Variants in DPP6 observed in about 807,000 individuals in gnomAD.
DPP6 encodes the protein dipeptidyl peptidase like 6, also known as A-type potassium channel modulatory protein DPP6.
DPP6 carries 69 observed loss-of-function variants against 122.6 expected under a neutral mutation model. That is an observed-to-expected ratio of 0.56 (90% CI 0.46 to 0.69). DPP6 has a LOEUF of 0.69. Among genes scored for constraint, DPP6 ranks in the 30% least tolerant of loss-of-function variants. DPP6 has a pLI of 0.00. For synonymous variants in DPP6, 418 were observed against 433.1 expected (o/e 0.97, Z 0.43); for missense variants, 928 against 1,116.9 (o/e 0.83, Z 2.41).
chr7:154,250,140 C>T (rs949265835), intron 1 of DPP6, among the ~76,000 whole-genome samples: 32 of 152,242 alleles, frequency 2.1e-4, no homozygotes, highest in Non-Finnish European at 3.5e-4. Flanking sequence ...CCCTCTCAAG[C>T]GGACTCCCTT....
At chr7:154,047,011 T>C (rs1800048677) in intron 1 of DPP6, among the ~76,000 whole-genome samples, 1 of 151,110 alleles carries the variant, frequency 6.6e-6, no homozygotes, top group African/African-American at 2.5e-5. Context: ...TGTTTTGCTG[T>C]CAGGAAAAGA....
intron 1 of DPP6, among the ~76,000 whole-genome samples, chr7:154,190,930 A>T (rs955177453): frequency 6.6e-6 from 1 of 152,262 alleles, no homozygotes; most frequent in Non-Finnish European, 1.5e-5. Context: ...CTGTTTTCAA[A>T]GAAAATATTT....
At chr7:153,983,014 G>A (rs1162903860) in intron 1 of DPP6, among the ~76,000 whole-genome samples, 5 of 152,206 alleles carry the variant, frequency 3.3e-5, no homozygotes, top group African/African-American at 4.8e-5. Flanking sequence ...CCGTCAGGAG[G>A]TACGGGGGTG....
At chr7:154,137,654 G>GGGGA (rs1795630938) in intron 1 of DPP6, among the ~76,000 whole-genome samples, 1 of 56,554 alleles carries the variant, frequency 1.8e-5, no homozygotes, top group Non-Finnish European at 4.0e-5. Flanking sequence ...GGGGGGTGGG[G>GGGGA]GGGTGGGGGG....
chr7:154,375,954 C>T (rs906366669), intron 1 of DPP6, among the ~76,000 whole-genome samples: 1 of 152,170 alleles, frequency 6.6e-6, no homozygotes, highest in African/African-American at 2.4e-5. Flanking sequence ...TGGCCCACCT[C>T]GAGGGGCCCA....
Position 154,794,203 on chromosome 7 carries a change from G to A in DPP6, c.1260+1G>A. 6.2e-7 allele frequency: 1 copy of A among 1,606,712 alleles called. No homozygotes were observed. Among genetic ancestry groups the A allele is most frequent in the Non-Finnish European group, 8.5e-7 (1 of 1,175,888 alleles). ...CGCCACCACGGGGGTCTGCACGAAG[G>A]TACGCGGGGCTGTGGGGGTGGAGGG... On this transcript the variant is annotated splice_donor_variant, in intron 11 of 25. Coordinates refer to ENST00000377770, the MANE Select transcript of DPP6 (RefSeq NM_130797.4). LOFTEE classifies it high-confidence loss of function.
rs1027275221 is a variant in DPP6, at chr7:154,807,127, C to T, written c.1666+15C>T. The T allele has an allele frequency of 7.4e-6, 12 of 1,610,762 alleles. No individual in the cohort carries two copies. Among genetic ancestry groups the T allele is most frequent in the Non-Finnish European group, 1.0e-5 (12 of 1,179,374 alleles). On this transcript the variant is annotated intron_variant, in intron 16 of 25. Transcript: ENST00000377770. Reference sequence around the variant, plus strand: ...CAAGTGCGAAGGTCAGCTCCTGCCACCCCGTCAGGGCAAAGAGCCCTGGCA... The same window carrying T: ...CAAGTGCGAAGGTCAGCTCCTGCCATCCCGTCAGGGCAAAGAGCCCTGGCA...
the DPP6 span, among the ~76,000 whole-genome samples, chr7:153,857,727 G>T: frequency 6.6e-6 from 1 of 152,150 alleles, no homozygotes; most frequent in Admixed American, 6.5e-5. Context: ...CATATCTACA[G>T]TGCTTTTTTA....
At chr7:154,359,828 T>G (rs1484122006) in intron 1 of DPP6, among the ~76,000 whole-genome samples, 1 of 152,186 alleles carries the variant, frequency 6.6e-6, no homozygotes, top group African/African-American at 2.4e-5. Flanking sequence ...ACTACAGCAC[T>G]TGAGTTAGAG....
At chr7:154,784,385 C>G (rs892553589) in intron 10 of DPP6, among the ~76,000 whole-genome samples, 2 of 152,212 alleles carry the variant, frequency 1.3e-5, no homozygotes, top group African/African-American at 4.8e-5. Context: ...AGAAGCTTAT[C>G]CAAGCAAAGC....
chr7:154,258,755 C>G (rs929956515), intron 1 of DPP6, among the ~76,000 whole-genome samples: 2 of 151,318 alleles, frequency 1.3e-5, no homozygotes, highest in Non-Finnish European at 2.9e-5. Flanking sequence ...TAAAAACCAC[C>G]ACATTATACA....
At chr7:154,067,306 C>G (rs563742187) in intron 1 of DPP6, among the ~76,000 whole-genome samples, 1,772 of 136,014 alleles carry the variant, frequency 0.013, 16 homozygotes, top group Middle Eastern at 0.031. Flanking sequence ...CCCATGGGAG[C>G]GAGAGGAGGG....
intron 1 of DPP6, among the ~76,000 whole-genome samples, chr7:154,063,739 T>G (rs1311438399): frequency 6.6e-6 from 1 of 150,464 alleles, no homozygotes; most frequent in Non-Finnish European, 1.5e-5. Context: ...CCCCCCCGGC[T>G]TAGGACCCCC....
intron 1 of DPP6, among the ~76,000 whole-genome samples, chr7:154,362,376 A>C (rs985248983): frequency 6.6e-6 from 1 of 152,140 alleles, no homozygotes; most frequent in African/African-American, 2.4e-5. Flanking sequence ...CATTCGGTAC[A>C]ACAAAGATAC....
chr7:154,200,221 A>G (rs1038275655), intron 1 of DPP6, among the ~76,000 whole-genome samples: 1 of 152,066 alleles, frequency 6.6e-6, no homozygotes, highest in Non-Finnish European at 1.5e-5. Flanking sequence ...TTATTGATGC[A>G]TAATCAATGC....
chr7:153,993,399 AGT>A (rs1271138570), intron 1 of DPP6, among the ~76,000 whole-genome samples: 2 of 152,378 alleles, frequency 1.3e-5, no homozygotes, highest in East Asian at 3.9e-4. Context: ...AAAAAAATAT[AGT>A]GTGAGAATGA....
chr7:154,505,548 A>G (rs1271511367), intron 3 of DPP6, among the ~76,000 whole-genome samples: 3 of 152,052 alleles, frequency 2.0e-5, no homozygotes, highest in Non-Finnish European at 4.4e-5. Flanking sequence ...CTGTTTCTTG[A>G]TTTGGGTGAC....
intron 14 of DPP6, 104 bp from the exon 15 acceptor site, chr7:154,804,813 G>C (rs1262379869): frequency 4.7e-6 from 7 of 1,500,916 alleles, no homozygotes; most frequent in Non-Finnish European, 6.3e-6. Flanking sequence ...TGCAGGCCAT[G>C]GGCGGCAGTC....
intron 1 of DPP6, among the ~76,000 whole-genome samples, chr7:154,311,783 C>A (rs1437412364): frequency 6.6e-6 from 1 of 152,142 alleles, no homozygotes; most frequent in Non-Finnish European, 1.5e-5. Context: ...TCCACTGGTA[C>A]CCATGGTTTA....
Sources: allele counts gnomAD v4.1 joint callset (sites outside exome capture counted in the v4.1 genomes callset), GRCh38; gene constraint gnomAD v4.1.1; transcripts MANE v1.5; gene names NCBI Gene and HGNC (gene_info 2026-07-23, HGNC 2026-07-21).